Variants in MCTP2 observed in about 807,000 individuals in gnomAD.
MCTP2 encodes multiple C2 and transmembrane domain containing 2.
Under a neutral mutation model 111.6 loss-of-function variants are expected in MCTP2, and 132 were observed. That is an observed-to-expected ratio of 1.18 (90% CI 1.03 to 1.37). MCTP2 has a LOEUF of 1.37. Among genes scored for constraint, MCTP2 ranks in the 40% most tolerant of loss-of-function variants. MCTP2 has a pLI of 0.00. For missense variants in MCTP2, 1,183 were observed against 1,067.9 expected, an observed-to-expected ratio of 1.11 and a Z score of -1.50; for synonymous variants, 395 against 387.7, an observed-to-expected ratio of 1.02 and a Z score of -0.22.
intron 16 of MCTP2, among the ~76,000 whole-genome samples, chr15:94,400,826 T>C (rs1414684620): frequency 6.6e-6 from 1 of 152,126 alleles, no homozygotes; most frequent in Non-Finnish European, 1.5e-5. Context: ...CGTCTTATCA[T>C]CCTTTTGTTT....
chr15:94,388,938 T>G (rs1463587303), intron 14 of MCTP2, among the ~76,000 whole-genome samples: 1 of 152,168 alleles, frequency 6.6e-6, no homozygotes, highest in African/African-American at 2.4e-5. Context: ...ATCAAGAGGC[T>G]ATTTTGTGTA....
chr15:94,460,435 G>C (rs374961253), intron 20 of MCTP2, among the ~76,000 whole-genome samples: 15 of 152,276 alleles, frequency 9.9e-5, no homozygotes, highest in African/African-American at 1.9e-4. Context: ...TAGAGATGAG[G>C]CATGTCATGC....
At chr15:94,241,656 A>AT (rs982845364) in intron 1 of MCTP2, among the ~76,000 whole-genome samples, 44 of 151,976 alleles carry the variant, frequency 2.9e-4, no homozygotes, top group African/African-American at 8.2e-4. Flanking sequence ...AGATATATAT[A>AT]TTTTTTTTCT....
chr15:94,247,075 G>T (rs2072066900), intron 1 of MCTP2, among the ~76,000 whole-genome samples: 1 of 152,154 alleles, frequency 6.6e-6, no homozygotes, highest in Non-Finnish European at 1.5e-5. Flanking sequence ...AGTGTAGGAA[G>T]AGTTTATTAA....
At chr15:94,266,076 G>GCACACACA (rs1173572674) in intron 1 of MCTP2, among the ~76,000 whole-genome samples, 26 of 57,358 alleles carry the variant, frequency 4.5e-4, no homozygotes, top group African/African-American at 1.8e-3. Context: ...GCATGCGTGT[G>GCACACACA]CGCGCACACA....
At chr15:94,369,309 A>C (rs1452962542) in intron 11 of MCTP2, among the ~76,000 whole-genome samples, 4 of 152,310 alleles carry the variant, frequency 2.6e-5, no homozygotes, top group Admixed American at 2.6e-4. Context: ...GTTTTTAGCT[A>C]TCTAATGATG....
intron 1 of MCTP2, among the ~76,000 whole-genome samples, chr15:94,283,328 A>G (rs918294151): frequency 6.6e-6 from 1 of 152,152 alleles, no homozygotes; most frequent in African/African-American, 2.4e-5. Context: ...AACAAAGGCT[A>G]ATGCTGCCTA....
intron 17 of MCTP2, among the ~76,000 whole-genome samples, chr15:94,406,927 C>A (rs550439753): frequency 2.0e-5 from 3 of 151,098 alleles, no homozygotes; most frequent in Admixed American, 1.3e-4. Flanking sequence ...GAATAACCAC[C>A]CCTTATGTTC....
chr15:94,326,816 C>A (rs147833309), intron 4 of MCTP2, among the ~76,000 whole-genome samples: 2 of 51,232 alleles, frequency 3.9e-5, no homozygotes, highest in East Asian at 7.4e-4. Context: ...GATCCCCGCC[C>A]CACCCCCCCC....
chr15:94,397,249 A>G (rs1156233135), intron 14 of MCTP2, among the ~76,000 whole-genome samples: 3 of 152,214 alleles, frequency 2.0e-5, no homozygotes, highest in Admixed American at 1.3e-4. Context: ...TGTGAGGGAC[A>G]TTAGGAAACA....
rs541824324 is a variant in MCTP2 at position 94,442,201 on chromosome 15, C to A, written c.2209-718C>A. On this transcript the variant is annotated intron_variant, in intron 18 of 22. Coordinates refer to ENST00000357742, the MANE Select transcript of MCTP2 (RefSeq NM_001385001.1). The stretch of plus-strand genomic sequence containing the variant: ...TGAGCTTTCTTTCCAAACTACTGAC[C>A]CTATTTGATTATGTACCAACAGATA... Among the ~76,000 whole-genome samples, 15 of 152,242 alleles carry A rather than the reference C, an allele frequency of 9.9e-5. No homozygotes were observed. In the East Asian group the frequency reaches 2.7e-3, roughly 27 times the overall value.
rs192490067 is a variant in MCTP2 at position 94,376,456 on chromosome 15, G to C, written c.1582+6276G>C. ...AGCAGAGACCCATGTGTTAATCTCAGTTCTCCCACATACTGGCCTTAGGCT... is the reference window on the plus strand; with the variant it reads ...AGCAGAGACCCATGTGTTAATCTCACTTCTCCCACATACTGGCCTTAGGCT... On this transcript the variant is annotated intron_variant, in intron 12 of 22. Transcript: ENST00000357742. Among the ~76,000 whole-genome samples the C allele has an allele frequency of 7.0e-4, 107 of 152,320 alleles. 1 individual carries two copies. The highest frequency in any genetic ancestry group is 3.5e-3 in the Admixed American group (54 of 15,292).
intron 5 of MCTP2, among the ~76,000 whole-genome samples, chr15:94,339,865 G>T (rs1053334041): frequency 6.6e-6 from 1 of 152,196 alleles, no homozygotes; most frequent in Admixed American, 6.5e-5. Flanking sequence ...TTAATTGGCA[G>T]ATCTGCTCAC....
At chr15:94,272,790 T>C (rs547372028) in intron 1 of MCTP2, among the ~76,000 whole-genome samples, 10 of 152,306 alleles carry the variant, frequency 6.6e-5, no homozygotes, top group African/African-American at 2.4e-4. Context: ...TATGCTGCTC[T>C]AAGAAACCAC....
At chr15:94,437,950 A>G (rs2083569820) in intron 17 of MCTP2, among the ~76,000 whole-genome samples, 1 of 152,078 alleles carries the variant, frequency 6.6e-6, no homozygotes, top group Admixed American at 6.5e-5. Flanking sequence ...TGAGTTAAAA[A>G]AAAAAATTAA....
chr15:94,298,653 C>A lies in MCTP2; in HGVS notation c.388C>A (p.Arg130=), dbSNP rs371305058. Residue 130 remains arginine (R), a synonymous_variant, in exon 2 of 23, where the codon CGG becomes AGG. Coordinates refer to ENST00000357742, the MANE Select transcript of MCTP2 (RefSeq NM_001385001.1). The stretch of plus-strand genomic sequence containing the variant: ...GGAGGCCTATGCCTCTCCTGCTGAG[C>A]GGAGACGGGTGTCCAGCAACGGCAT... ...SEEAYASPAE[R]RRVSSNGIFD... 1 of 1,613,786 alleles carries A rather than the reference C, an allele frequency of 6.2e-7. No individual in the cohort carries two copies.
intron 12 of MCTP2, among the ~76,000 whole-genome samples, chr15:94,374,148 C>T (rs1426661573): frequency 2.6e-5 from 4 of 152,116 alleles, no homozygotes. Context: ...GTATATGCTG[C>T]CCAGGGGCAC....
At chr15:94,477,235 G>T (rs1476677594) in intron 22 of MCTP2, among the ~76,000 whole-genome samples, 10 of 152,096 alleles carry the variant, frequency 6.6e-5, no homozygotes, top group African/African-American at 2.4e-4. Flanking sequence ...TATCTCCTAG[G>T]CCTCCCTTCT....
At chr15:94,386,151 C>T (rs1320713159) in intron 14 of MCTP2, among the ~76,000 whole-genome samples, 8 of 151,954 alleles carry the variant, frequency 5.3e-5, no homozygotes, top group African/African-American at 1.9e-4. Flanking sequence ...AGAGAAAGCA[C>T]CAAAGAATGC....
Sources: allele counts gnomAD v4.1 joint callset (sites outside exome capture counted in the v4.1 genomes callset), GRCh38; gene constraint gnomAD v4.1.1; transcripts MANE v1.5; gene names NCBI Gene and HGNC (gene_info 2026-07-23, HGNC 2026-07-21).